Variants in CPNE4 observed in about 807,000 individuals in gnomAD.
CPNE4 encodes the protein copine-4.
CPNE4 carries 25 observed loss-of-function variants against 67.9 expected under a neutral mutation model. That is an observed-to-expected ratio of 0.37 (90% CI 0.27 to 0.51). The LOEUF (loss-of-function observed/expected upper bound fraction) is 0.51. CPNE4 is among the 20% of genes least tolerant of loss of function. The pLI is 0.93. For synonymous variants in CPNE4, 242 were observed against 244.9 expected (o/e 0.99, Z 0.11); for missense variants, 464 against 690.8 (o/e 0.67, Z 3.68).
At chr3:131,722,583 C>T (rs951332993) in intron 3 of CPNE4, among the ~76,000 whole-genome samples, 3 of 151,994 alleles carry the variant, frequency 2.0e-5, no homozygotes, top group African/African-American at 7.3e-5. Flanking sequence ...TGACTCTACC[C>T]AGTAGAAAAA....
intron 2 of CPNE4, among the ~76,000 whole-genome samples, chr3:131,837,685 A>G (rs11709233): frequency 0.2 from 30,881 of 151,882 alleles, 3,872 homozygotes; most frequent in Non-Finnish European, 0.27. Flanking sequence ...ACTACCCTCC[A>G]CCAAAAATGA....
intron 1 of CPNE4, among the ~76,000 whole-genome samples, chr3:131,932,287 A>C (rs1392900363): frequency 2.0e-5 from 3 of 152,194 alleles, no homozygotes; most frequent in Non-Finnish European, 4.4e-5. Flanking sequence ...AAACCTGGCT[A>C]TCTGAAATAT....
chr3:131,591,814 T>C (rs1938547608), intron 7 of CPNE4, among the ~76,000 whole-genome samples: 1 of 152,178 alleles, frequency 6.6e-6, no homozygotes. Flanking sequence ...CTGATGCAGC[T>C]GACAGAGGAA....
intron 1 of CPNE4, among the ~76,000 whole-genome samples, chr3:131,939,258 C>T (rs2071315677): frequency 1.3e-5 from 2 of 151,856 alleles, no homozygotes; most frequent in South Asian, 2.1e-4. Context: ...CAATGGAATA[C>T]AATGCAGCTG....
intron 15 of CPNE4, among the ~76,000 whole-genome samples, chr3:131,538,444 G>A (rs914351067): frequency 2.6e-5 from 4 of 152,218 alleles, no homozygotes; most frequent in Admixed American, 1.3e-4. Flanking sequence ...GGGTGGGAAA[G>A]GGTCAAGAAT....
At position 131,745,080 on chromosome 3, in the gene CPNE4, T is replaced by C. The variant is rs184357727; in HGVS notation, c.181-21455A>G. 1.3e-3 allele frequency among the ~76,000 whole-genome samples: 193 copies of C among 152,282 alleles called. 2 individuals carry two copies. The highest frequency in any genetic ancestry group is 4.8e-3 in the Admixed American group (74 of 15,298). ...GCATGAGTGATTCAGTTTCTCCAAA[T>C]CTCCAACAGCATTTGCTGTATCACT... On this transcript the variant is annotated intron_variant, in intron 2 of 15. Coordinates refer to ENST00000429747, the MANE Select transcript of CPNE4 (RefSeq NM_130808.3).
chr3:131,988,475 C>G (rs2073106419), intron 1 of CPNE4, among the ~76,000 whole-genome samples: 1 of 152,048 alleles, frequency 6.6e-6, no homozygotes, highest in Non-Finnish European at 1.5e-5. Flanking sequence ...GTCTAGTAGA[C>G]CAAAAGAGAG....
chr3:131,831,339 A>T (rs1422465866), intron 2 of CPNE4, among the ~76,000 whole-genome samples: 1 of 152,168 alleles, frequency 6.6e-6, no homozygotes, highest in African/African-American at 2.4e-5. Flanking sequence ...CCCACACATC[A>T]GTCTTTCAAA....
At position 131,615,124 on chromosome 3, in the gene CPNE4, AT is replaced by A. The variant is rs754706351; in HGVS notation, c.682-27543del. Among the ~76,000 whole-genome samples, 40 of 152,216 alleles carry A rather than the reference AT, an allele frequency of 2.6e-4. 1 individual carries two copies. The highest frequency in any genetic ancestry group is 2.2e-3 in the Admixed American group (33 of 15,278). ...GGATCTGCATTTTGAACAATCTCAG[AT>A]GACGATATGCTATTCCTAGGACCAT... On this transcript the variant is annotated intron_variant, in intron 7 of 15. Coordinates refer to ENST00000429747, the MANE Select transcript of CPNE4 (RefSeq NM_130808.3).
chr3:131,571,417 C>T (rs1415808770), intron 10 of CPNE4, among the ~76,000 whole-genome samples: 1 of 151,980 alleles, frequency 6.6e-6, no homozygotes. Flanking sequence ...TTATAAGTAC[C>T]ATCTCCACTG....
intron 2 of CPNE4, among the ~76,000 whole-genome samples, chr3:131,791,603 G>T (rs187425300): frequency 5.9e-5 from 9 of 152,258 alleles, no homozygotes; most frequent in Admixed American, 5.2e-4. Flanking sequence ...TTGAAAAAGC[G>T]TAAGAAGTAT....
chr3:131,759,934 A>T (rs1328741608), intron 2 of CPNE4, among the ~76,000 whole-genome samples: 1 of 152,212 alleles, frequency 6.6e-6, no homozygotes, highest in African/African-American at 2.4e-5. Flanking sequence ...CATCAATATT[A>T]CAAAGTTATC....
chr3:132,010,418 T>C (rs2107676443), intron 1 of CPNE4, among the ~76,000 whole-genome samples: 1 of 121,178 alleles, frequency 8.3e-6, no homozygotes, highest in East Asian at 2.5e-4. Context: ...TTAGCTTGAG[T>C]TTGACAGAAA....
At chr3:131,756,042 T>A (rs1583147578) in intron 2 of CPNE4, among the ~76,000 whole-genome samples, 1 of 152,242 alleles carries the variant, frequency 6.6e-6, no homozygotes, top group African/African-American at 2.4e-5. Context: ...GCAGTGCACA[T>A]CATGCCAAGT....
chr3:131,637,738 G>A (rs1182741533), intron 7 of CPNE4, among the ~76,000 whole-genome samples: 1 of 152,108 alleles, frequency 6.6e-6, no homozygotes, highest in East Asian at 1.9e-4. Context: ...CAGTCATCCA[G>A]TTATCTAAAG....
Position 131,796,227 on chromosome 3 carries a change from A to G in CPNE4, c.181-72602T>C, listed in dbSNP as rs140439646. Among the ~76,000 whole-genome samples the G allele has an allele frequency of 9.5e-4, 145 of 152,044 alleles. 2 individuals are homozygous for G. Among genetic ancestry groups the G allele is most frequent in the African/African-American group, 3.4e-3 (139 of 41,490 alleles). ...GTCCAAGGTTATTTGAATCATAGCC[A>G]TCTTGTGAGAAGACTTCTGCCACAT... On this transcript the variant is annotated intron_variant, in intron 2 of 15. Coordinates refer to ENST00000429747, the MANE Select transcript of CPNE4 (RefSeq NM_130808.3).
At chr3:131,897,650 C>G (rs532559459) in intron 2 of CPNE4, among the ~76,000 whole-genome samples, 2 of 152,182 alleles carry the variant, frequency 1.3e-5, no homozygotes, top group South Asian at 4.1e-4. Context: ...AATCCCAGCA[C>G]TTTGGGAGGC....
rs1233041759 is a variant in CPNE4 at position 131,992,960 on chromosome 3, AC to A, written c.-2+41606del. Among the ~76,000 whole-genome samples the A allele has an allele frequency of 2.2e-5, 3 of 136,312 alleles. 1 individual carries two copies. Among genetic ancestry groups the A allele is most frequent in the Non-Finnish European group, 3.3e-5 (2 of 60,172 alleles). The allele number at this position is 136,312 out of a possible 152,430, so 89.4% of individuals were successfully genotyped here. On this transcript the variant is annotated intron_variant, in intron 1 of 15. Coordinates refer to ENST00000429747, the MANE Select transcript of CPNE4 (RefSeq NM_130808.3). Reference sequence around the variant, plus strand: ...TAAGTTTCCTGAGGCCTCCTTAGCCACGCTGAACTGTGAGTCAATTAAACCT... The same window carrying A: ...TAAGTTTCCTGAGGCCTCCTTAGCCAGCTGAACTGTGAGTCAATTAAACCT...
At chr3:131,945,617 T>G (rs1012972311) in intron 1 of CPNE4, among the ~76,000 whole-genome samples, 5 of 152,182 alleles carry the variant, frequency 3.3e-5, no homozygotes, top group Admixed American at 3.3e-4. Flanking sequence ...CCTTCCTCTC[T>G]CTTTGTACAA....
Sources: gnomAD v4.1 joint callset for allele counts (sites outside exome capture counted in the v4.1 genomes callset) on GRCh38, gnomAD v4.1.1 for gene constraint, MANE v1.5 for transcripts, NCBI Gene and HGNC (gene_info 2026-07-23, HGNC 2026-07-21) for gene names.